Variants in SNTG1 observed in about 807,000 individuals in gnomAD.
SNTG1 encodes the protein syntrophin gamma 1.
A neutral mutation model predicts 74.7 loss-of-function variants in SNTG1; 39 were observed. That is an observed-to-expected ratio of 0.52 (90% CI 0.40 to 0.68). The LOEUF (loss-of-function observed/expected upper bound fraction) is 0.68. SNTG1 is among the 30% of genes least tolerant of loss of function. The probability of loss-of-function intolerance (pLI) is 0.00; values close to 1 mark genes in which losing one functional copy is unlikely to be tolerated. For missense variants in SNTG1, 685 were observed against 609.5 expected, an observed-to-expected ratio of 1.12 and a Z score of -1.30; for synonymous variants, 254 against 217.1, an observed-to-expected ratio of 1.17 and a Z score of -1.49.
intron 5 of SNTG1, 23 bp downstream of exon 5, chr8:50,438,622 C>G (rs757928135): frequency 4.0e-5 from 64 of 1,596,758 alleles, no homozygotes; most frequent in Non-Finnish European, 5.1e-5. Context: ...TCTAGTCTAT[C>G]CTTACAAAGG....
chr8:50,593,975 C>T (rs866777522), intron 13 of SNTG1, among the ~76,000 whole-genome samples: 1 of 152,168 alleles, frequency 6.6e-6, no homozygotes, highest in African/African-American at 2.4e-5. Context: ...GCCTTGGCCT[C>T]CCGAAGTGCT....
chr8:50,183,847 T>G (rs1394239039), intron 2 of SNTG1, among the ~76,000 whole-genome samples: 2 of 152,174 alleles, frequency 1.3e-5, no homozygotes, highest in Admixed American at 6.5e-5. Flanking sequence ...TCAGCAAATG[T>G]CTTTTATCGC....
intron 4 of SNTG1, among the ~76,000 whole-genome samples, chr8:50,432,258 G>GA (rs998545479): frequency 7.3e-5 from 11 of 151,524 alleles, no homozygotes; most frequent in African/African-American, 1.9e-4. Context: ...CTGTTTGTTG[G>GA]AAAAAAATAT....
intron 13 of SNTG1, among the ~76,000 whole-genome samples, chr8:50,624,804 G>C (rs1339715801): frequency 6.6e-6 from 1 of 152,072 alleles, no homozygotes; most frequent in Non-Finnish European, 1.5e-5. Flanking sequence ...TACTTTGAAA[G>C]CTTTCTTGAA....
intron 2 of SNTG1, among the ~76,000 whole-genome samples, chr8:50,282,262 A>G (rs1470676003): frequency 6.6e-6 from 1 of 152,172 alleles, no homozygotes; most frequent in African/African-American, 2.4e-5. Context: ...TGAGCCTGTA[A>G]TAAGCTCTCT....
At chr8:50,399,347 A>T (rs533864853) in intron 3 of SNTG1, among the ~76,000 whole-genome samples, 2 of 152,194 alleles carry the variant, frequency 1.3e-5, no homozygotes, top group Non-Finnish European at 2.9e-5. Flanking sequence ...CAACTATCTA[A>T]TAATTTGTGA....
At chr8:50,120,345 G>A (rs115777709) in intron 1 of SNTG1, among the ~76,000 whole-genome samples, 2,016 of 138,592 alleles carry the variant, frequency 0.015, 260 homozygotes, top group African/African-American at 0.049. Context: ...CTACGATCAC[G>A]ACTACTGCCA....
chr8:49,973,060 C>T (rs1811850113), intron 1 of SNTG1, among the ~76,000 whole-genome samples: 1 of 152,134 alleles, frequency 6.6e-6, no homozygotes, highest in Admixed American at 6.5e-5. Flanking sequence ...AAGACACAAG[C>T]ACACGTATGT....
At chr8:50,152,614 T>A (rs1476252646) in intron 1 of SNTG1, among the ~76,000 whole-genome samples, 1 of 152,162 alleles carries the variant, frequency 6.6e-6, no homozygotes, top group East Asian at 1.9e-4. Flanking sequence ...GGTGAGAAAA[T>A]CTCTCAGCAT....
At chr8:50,348,497 T>C (rs1011203950) in intron 2 of SNTG1, among the ~76,000 whole-genome samples, 9 of 152,196 alleles carry the variant, frequency 5.9e-5, no homozygotes, top group Non-Finnish European at 1.3e-4. Context: ...GCTTTCCAGC[T>C]ACTCATATAA....
chr8:49,969,098 C>G (rs1433179257), intron 1 of SNTG1, among the ~76,000 whole-genome samples: 1 of 152,108 alleles, frequency 6.6e-6, no homozygotes, highest in Non-Finnish European at 1.5e-5. Context: ...TAGGTGACAG[C>G]AAAGTAACTA....
intron 17 of SNTG1, among the ~76,000 whole-genome samples, chr8:50,734,860 T>G (rs1375034185): frequency 9.6e-5 from 12 of 124,578 alleles, no homozygotes; most frequent in African/African-American, 2.3e-4. Flanking sequence ...CATATATATA[T>G]CTATATATAT....
At chr8:50,582,543 G>T (rs1035125590) in intron 12 of SNTG1, among the ~76,000 whole-genome samples, 8 of 150,998 alleles carry the variant, frequency 5.3e-5, no homozygotes, top group African/African-American at 9.7e-5. Context: ...TGGGTGTGTG[G>T]GTGTGTGTGT....
At chr8:50,738,975 G>A (rs2095536095) in intron 17 of SNTG1, among the ~76,000 whole-genome samples, 1 of 151,976 alleles carries the variant, frequency 6.6e-6, no homozygotes, top group Non-Finnish European at 1.5e-5. Context: ...AGAAAACCTA[G>A]GCAATACCAT....
intron 2 of SNTG1, among the ~76,000 whole-genome samples, chr8:50,280,189 G>A (rs1429011384): frequency 1.3e-5 from 2 of 152,202 alleles, no homozygotes; most frequent in Non-Finnish European, 2.9e-5. Flanking sequence ...TCTGCCAGAA[G>A]TTTCACAGTC....
intron 9 of SNTG1, among the ~76,000 whole-genome samples, chr8:50,524,518 A>G (rs73585144): frequency 0.029 from 4,401 of 152,266 alleles, 209 homozygotes; most frequent in African/African-American, 0.099. Flanking sequence ...ACACTGCCTT[A>G]TAAATACAAC....
At chr8:50,220,826 T>C (rs191365329) in intron 2 of SNTG1, among the ~76,000 whole-genome samples, 1 of 152,306 alleles carries the variant, frequency 6.6e-6, no homozygotes, top group Non-Finnish European at 1.5e-5. Flanking sequence ...AAAGATATGA[T>C]CCTACCATCA....
Position 50,553,215 on chromosome 8 carries a change from T to C in SNTG1, c.810+36T>C, listed in dbSNP as rs59435939. The C allele has an allele frequency of 5.2e-3, 8,358 of 1,612,088 alleles. 299 individuals carry two copies. In the African/African-American group the frequency reaches 0.087, roughly 17 times the overall value. On this transcript the variant is annotated intron_variant, in intron 12 of 18. Coordinates refer to ENST00000642720, the MANE Select transcript of SNTG1 (RefSeq NM_018967.5). ...ATTCAAGGAATACCTAGCCAGGGTT[T>C]CTCAGGCTTTATAAAATCCTTCAGT...
intron 2 of SNTG1, among the ~76,000 whole-genome samples, chr8:50,209,378 C>T (rs2084400909): frequency 6.6e-6 from 1 of 152,186 alleles, no homozygotes; most frequent in Non-Finnish European, 1.5e-5. Flanking sequence ...AGTAGTGGTT[C>T]TCCGAGCATG....
Sources: gnomAD v4.1 joint callset for allele counts (sites outside exome capture counted in the v4.1 genomes callset) on GRCh38, gnomAD v4.1.1 for gene constraint, MANE v1.5 for transcripts, NCBI Gene and HGNC (gene_info 2026-07-23, HGNC 2026-07-21) for gene names.